The following KIF6 variants were observed in gnomAD, a reference collection of about 807,000 sequenced individuals.
The protein encoded by KIF6 is kinesin family member 6.
In KIF6, 106 loss-of-function variants were observed where a neutral mutation model predicts 112.7. The observed-to-expected ratio is 0.94, with a 90% CI of 0.80 to 1.11. The LOEUF (loss-of-function observed/expected upper bound fraction) is 1.11. Among genes scored for constraint, KIF6 ranks in the 50% least tolerant of loss-of-function variants. The pLI is 0.00. For synonymous variants in KIF6, 339 were observed against 339.9 expected (o/e 1.00, Z 0.03); for missense variants, 929 against 964.0 (o/e 0.96, Z 0.48).
intron 19 of KIF6, among the ~76,000 whole-genome samples, chr6:39,354,665 G>A (rs912445093): frequency 1.3e-5 from 2 of 152,138 alleles, no homozygotes; most frequent in African/African-American, 4.8e-5. Context: ...CACTAATTGG[G>A]TAAGCATTGG....
chr6:39,635,667 A>G (rs944291554), intron 4 of KIF6, among the ~76,000 whole-genome samples: 3 of 152,066 alleles, frequency 2.0e-5, no homozygotes, highest in Admixed American at 2.0e-4. Flanking sequence ...ATAGGCATCA[A>G]TGTAATGAGG....
intron 16 of KIF6, among the ~76,000 whole-genome samples, chr6:39,376,004 C>T (rs1158261827): frequency 3.9e-5 from 6 of 152,152 alleles, no homozygotes; most frequent in Admixed American, 1.3e-4. Context: ...AAATGGTGTG[C>T]AGGCTCCTCC....
intron 16 of KIF6, among the ~76,000 whole-genome samples, chr6:39,368,271 C>T (rs1765724620): frequency 6.6e-6 from 1 of 152,204 alleles, no homozygotes; most frequent in Non-Finnish European, 1.5e-5. Context: ...CGCACAGCTG[C>T]TACATGGGTT....
At chr6:39,699,252 A>G (rs1294815883) in intron 3 of KIF6, among the ~76,000 whole-genome samples, 1 of 152,132 alleles carries the variant, frequency 6.6e-6, no homozygotes, top group African/African-American at 2.4e-5. Context: ...GGGAGTGAGG[A>G]ATGCCATGGT....
intron 2 of KIF6, among the ~76,000 whole-genome samples, chr6:39,717,064 T>C (rs1561956977): frequency 6.6e-6 from 1 of 152,188 alleles, no homozygotes; most frequent in African/African-American, 2.4e-5. Flanking sequence ...TGCAATAGCC[T>C]AACTAGTCTT....
At chr6:39,518,383 T>C (rs796147118) in intron 13 of KIF6, among the ~76,000 whole-genome samples, 21 of 152,354 alleles carry the variant, frequency 1.4e-4, no homozygotes, top group African/African-American at 4.8e-4. Context: ...TTATTATATC[T>C]GAGTTAAGTG....
chr6:39,643,813 A>T (rs1785026300), intron 3 of KIF6, among the ~76,000 whole-genome samples: 1 of 152,176 alleles, frequency 6.6e-6, no homozygotes. Context: ...AAAGGAAAAA[A>T]ATAAGCTGCA....
intron 7 of KIF6, 35 bp downstream of exon 7, chr6:39,596,019 A>C: frequency 6.6e-7 from 1 of 1,512,156 alleles, no homozygotes; most frequent in Non-Finnish European, 9.2e-7. Context: ...CATGGTAGCT[A>C]TAGTTATTAA....
intron 13 of KIF6, among the ~76,000 whole-genome samples, chr6:39,461,349 A>G (rs925256092): frequency 2.0e-5 from 3 of 152,146 alleles, no homozygotes; most frequent in Non-Finnish European, 4.4e-5. Context: ...GGTGGACCCT[A>G]TTGGTTGACT....
intron 19 of KIF6, among the ~76,000 whole-genome samples, chr6:39,348,590 TTTCTCATG>T (rs1278303519): frequency 6.6e-6 from 1 of 152,192 alleles, no homozygotes; most frequent in African/African-American, 2.4e-5. Context: ...ACCGAATTAA[TTTCTCATG>T]TTGACGCCCC....
chr6:39,660,825 T>C (rs907168330), intron 3 of KIF6, among the ~76,000 whole-genome samples: 2 of 152,182 alleles, frequency 1.3e-5, no homozygotes, highest in Non-Finnish European at 2.9e-5. Flanking sequence ...AGTTAAAATA[T>C]AATTATTCTG....
chr6:39,415,471 C>A (rs1164869028), intron 15 of KIF6, among the ~76,000 whole-genome samples: 2 of 152,188 alleles, frequency 1.3e-5, no homozygotes, highest in African/African-American at 4.8e-5. Flanking sequence ...TAACATAGGT[C>A]AAGTTCTCAG....
intron 13 of KIF6, among the ~76,000 whole-genome samples, chr6:39,473,571 C>G (rs780023622): frequency 7.2e-5 from 11 of 152,172 alleles, no homozygotes; most frequent in Non-Finnish European, 1.5e-4. Context: ...CTTCTCCTGA[C>G]AGAGCAGTAT....
At chr6:39,607,253 C>T (rs1415553614) in intron 6 of KIF6, among the ~76,000 whole-genome samples, 1 of 152,096 alleles carries the variant, frequency 6.6e-6, no homozygotes, top group Non-Finnish European at 1.5e-5. Context: ...ATAGCTGTTC[C>T]ATACCACTCA....
chr6:39,622,399 T>C (rs1034592497), intron 5 of KIF6, among the ~76,000 whole-genome samples: 2 of 152,206 alleles, frequency 1.3e-5, no homozygotes, highest in Non-Finnish European at 2.9e-5. Flanking sequence ...ATTCTTATAA[T>C]GTATCAATCT....
chr6:39,376,126 C>G (rs1338557057), intron 16 of KIF6, among the ~76,000 whole-genome samples: 1 of 152,230 alleles, frequency 6.6e-6, no homozygotes, highest in Non-Finnish European at 1.5e-5. Context: ...GTGAGACACA[C>G]TGTTGATGGT....
intron 5 of KIF6, among the ~76,000 whole-genome samples, chr6:39,626,794 G>A (rs554107443): frequency 6.6e-6 from 1 of 152,202 alleles, no homozygotes; most frequent in South Asian, 2.1e-4. Context: ...ATTTTCTGGG[G>A]GTGGAAGCCA....
Position 39,358,209 on chromosome 6 carries a change from T to C in KIF6, c.2083-835A>G, listed in dbSNP as rs1214524670. ...GGAACGTGAGTGCATACAGGAAGCT[T>C]GTGAGTGGTTGCTACTAGGTTATTT... On this transcript the variant is annotated intron_variant, in intron 18 of 22. Transcript: ENST00000287152. Among the ~76,000 whole-genome samples the C allele has an allele frequency of 2.0e-5, 3 of 152,204 alleles. No homozygotes were observed. The East Asian group carries it at 5.8e-4, about 29-fold the overall frequency.
intron 3 of KIF6, among the ~76,000 whole-genome samples, chr6:39,675,273 T>A (rs1561919214): frequency 1.3e-5 from 2 of 152,096 alleles, no homozygotes; most frequent in Non-Finnish European, 2.9e-5. Context: ...GATGGCTTTA[T>A]AAACCTGAAG....
Sources: allele counts gnomAD v4.1 joint callset (sites outside exome capture counted in the v4.1 genomes callset), GRCh38; gene constraint gnomAD v4.1.1; transcripts MANE v1.5; gene names NCBI Gene and HGNC (gene_info 2026-07-23, HGNC 2026-07-21).